The following EMC1 variants were observed in gnomAD, a reference collection of about 807,000 sequenced individuals.
EMC1 encodes the protein ER membrane protein complex subunit 1.
EMC1 carries 103 observed loss-of-function variants against 128.8 expected under a neutral mutation model. That is an observed-to-expected ratio of 0.80 (90% CI 0.68 to 0.94). The LOEUF (loss-of-function observed/expected upper bound fraction) is 0.94, where lower values mean the gene tolerates loss of function less well. Ranked by LOEUF, EMC1 falls within the 40% of genes least tolerant of loss-of-function variation. EMC1 has a pLI of 0.00. For missense variants in EMC1, 1,083 were observed against 1,250.6 expected (o/e 0.87, Z 2.02); for synonymous variants, 442 against 490.4 (o/e 0.90, Z 1.30).
chr1:19,219,398 C>T lies in EMC1; in HGVS notation c.2887G>A (p.Val963Met), dbSNP rs776565472. 1.5e-5 allele frequency: 25 copies of T among 1,614,018 alleles called. No homozygotes were observed. In the Admixed American group the frequency reaches 2.2e-4, roughly 14 times the overall value. Residue 963 changes from valine (V) to methionine (M), a missense_variant, in exon 23 of 23, where the codon GTG (valine) becomes ATG (methionine). Around this residue, in one of 3 missense-constraint regions of EMC1, gnomAD observed 527 missense variants for 644.1 expected, o/e 0.82. Transcript: ENST00000477853. ...FDVLKDDYDY[V>M]LISSVLFGLV... ...CCAAAGAGGACGCTGCTGATTAACA[C>T]GTAGTCATAGTCATCCTTCAGAACG...
chr1:19,216,235 A>AAAAAAAAAAAAG lies in EMC1; in HGVS notation c.*3067_*3068insCTTTTTTTTTTT, dbSNP rs2093393677. On this transcript the variant is annotated 3_prime_UTR_variant, in exon 23 of 23. Transcript: ENST00000477853. ...CTGGGTGACAGAGACCCTGCCTCCAAAAAAAAAGCAATTTATAAAGGCAGT... is the reference window on the plus strand; with the variant it reads ...CTGGGTGACAGAGACCCTGCCTCCAAAAAAAAAAAAAGAAAAAAAGCAATTTATAAAGGCAGT... 6.5e-6 allele frequency: 1 copy of AAAAAAAAAAAAG among 153,184 alleles called. No homozygotes were observed. Among genetic ancestry groups the AAAAAAAAAAAAG allele is most frequent in the Non-Finnish European group, 1.4e-5 (1 of 69,080 alleles). The allele number at this position is 153,184 out of a possible 1,614,324, so 9.5% of individuals were successfully genotyped here. A position where few individuals can be genotyped will look rare whatever the true frequency, so the allele number is the denominator to read the frequency against.
In EMC1 at chr1:19,218,129, T is replaced by G. The variant is rs2093406456; in HGVS notation, c.*1174A>C. On this transcript the variant is annotated 3_prime_UTR_variant, in exon 23 of 23. Coordinates refer to ENST00000477853, the MANE Select transcript of EMC1 (RefSeq NM_015047.3). ...CTTTATGCAAACATTCGAGTGTACC[T>G]CTTTCACCACAGGGCTAGAGATGGT... is the stretch of plus-strand genomic sequence containing the variant. 6.6e-6 allele frequency: 1 copy of G among 152,218 alleles called. No homozygotes were observed. Among genetic ancestry groups the G allele is most frequent in the Non-Finnish European group, 1.5e-5 (1 of 68,040 alleles). The allele number at this position is 152,218 out of a possible 1,614,324, so 9.4% of individuals were successfully genotyped here.
chr1:19,219,491 C>G lies in EMC1; in HGVS notation c.2803-9G>C, dbSNP rs745344544. 2 of 1,613,910 alleles carry G rather than the reference C, an allele frequency of 1.2e-6. No individual in the cohort carries two copies. The highest frequency in any genetic ancestry group is 1.7e-6 in the Non-Finnish European group (2 of 1,179,968). ...AAACCATAGGCCACAACCTGGAAGG[C>G]AGATGGAATAAGAATTAGGAAAGAA... On this transcript the variant is annotated splice_polypyrimidine_tract_variant and intron_variant, in intron 22 of 22. Coordinates refer to ENST00000477853, the MANE Select transcript of EMC1 (RefSeq NM_015047.3).
chr1:19,233,969 G>A (rs2151950862), intron 13 of EMC1, among the ~76,000 whole-genome samples: 1 of 152,272 alleles, frequency 6.6e-6, no homozygotes, highest in Non-Finnish European at 1.5e-5. Flanking sequence ...AAAAGGAGCA[G>A]AACCTCTGCT....
In EMC1 at chr1:19,230,876, G is replaced by T. The variant is rs770207023; in HGVS notation, c.2032C>A (p.Gln678Lys). The change falls in exon 17 of 23, where the codon CAG becomes AAG. Residue 678 changes from glutamine (Q) to lysine (K), a missense_variant. Gln to Lys is a moderately conservative substitution (Grantham distance 53). Coordinates refer to ENST00000477853, the MANE Select transcript of EMC1 (RefSeq NM_015047.3). Reference sequence around the variant, plus strand: ...AGCCGATATCCACACAGCCGTCCCTGCTCTGCATCCACCAAATAGAAGAAG... The same window carrying T: ...AGCCGATATCCACACAGCCGTCCCTTCTCTGCATCCACCAAATAGAAGAAG... Reference protein sequence around the residue: ...SIFFYLVDAEQGRLCGYRLRK... With the variant: ...SIFFYLVDAEKGRLCGYRLRK... 4 of 1,614,066 alleles carry T rather than the reference G, an allele frequency of 2.5e-6. No individual in the cohort carries two copies. In the Admixed American group the frequency reaches 6.7e-5, roughly 27 times the overall value.
chr1:19,250,218 C>CAA lies in EMC1; in HGVS notation c.95+1195_95+1196dup, dbSNP rs55743743. ...CTGGGCAACAAGAGCAAAACTGTCT[C>CAA]AAAAAAAAAAAAAAAAAAAAAAAAA... On this transcript the variant is annotated intron_variant, in intron 1 of 22. Coordinates refer to ENST00000477853, the MANE Select transcript of EMC1 (RefSeq NM_015047.3). Among the ~76,000 whole-genome samples the CAA allele has an allele frequency of 4.8e-4, 23 of 48,240 alleles. 1 individual carries two copies. Among genetic ancestry groups the CAA allele is most frequent in the African/African-American group, 1.6e-3 (15 of 9,632 alleles). 31.6% of individuals were successfully genotyped at this position (48,240 alleles called of 152,430 possible).
At chr1:19,234,882 C>G (rs2093551642) in intron 13 of EMC1, among the ~76,000 whole-genome samples, 1 of 152,070 alleles carries the variant, frequency 6.6e-6, no homozygotes, top group South Asian at 2.1e-4. Context: ...TTTCCCTCAG[C>G]TTTCCCTAGA....
At chr1:19,232,568 C>A in intron 15 of EMC1, 56 bp downstream of exon 15, 1 of 1,604,428 alleles carries the variant, frequency 6.2e-7, no homozygotes, top group Non-Finnish European at 8.5e-7. Flanking sequence ...ATTTAAGTTA[C>A]AAAATAGCAA....
At chr1:19,224,033 T>A (rs1021103031) in intron 18 of EMC1, among the ~76,000 whole-genome samples, 3 of 152,230 alleles carry the variant, frequency 2.0e-5, no homozygotes, top group Non-Finnish European at 4.4e-5. Context: ...TAGTACCACG[T>A]GACGCAGGTG....
At position 19,235,782 on chromosome 1, in the gene EMC1, A is replaced by G. The variant is rs548454905; in HGVS notation, c.1310-530T>C. The stretch of plus-strand genomic sequence containing the variant: ...GTGGCGAGCGCCTGTAGTCACAGCT[A>G]CTTAGGAGGCTGAGATAGGAAGATC... On this transcript the variant is annotated intron_variant, in intron 12 of 22. Coordinates refer to ENST00000477853, the MANE Select transcript of EMC1 (RefSeq NM_015047.3). 3.7e-4 allele frequency among the ~76,000 whole-genome samples: 56 copies of G among 152,278 alleles called. 1 individual carries two copies. The highest frequency in any genetic ancestry group is 1.3e-3 in the African/African-American group (56 of 41,576).
At position 19,238,004 on chromosome 1, in the gene EMC1, G is replaced by A. The variant is rs916800607; in HGVS notation, c.1212+13C>T. On this transcript the variant is annotated intron_variant, in intron 11 of 22. Coordinates refer to ENST00000477853, the MANE Select transcript of EMC1 (RefSeq NM_015047.3). ...GCCCACAGGACAGTCTGCAAAGAAA[G>A]GCTCTGCCTTACCCGCTCAGGCCGA... 6.2e-6 allele frequency: 10 copies of A among 1,612,482 alleles called. No homozygotes were observed. Among genetic ancestry groups the A allele is most frequent in the East Asian group, 2.2e-5 (1 of 44,860 alleles).
At chr1:19,244,080 A>T in intron 2 of EMC1, 65 bp from the exon 3 acceptor site, 1 of 1,491,852 alleles carries the variant, frequency 6.7e-7, no homozygotes, top group African/African-American at 1.4e-5. Context: ...ACTAAGAAAT[A>T]AATGAAGAGC....
intron 17 of EMC1, among the ~76,000 whole-genome samples, chr1:19,228,064 G>A (rs941513854): frequency 6.6e-6 from 1 of 152,036 alleles, no homozygotes; most frequent in Admixed American, 6.6e-5. Flanking sequence ...AATTAGCCGG[G>A]TGTGGTGGCG....
chr1:19,220,729 G>A (rs762273146), intron 21 of EMC1, 35 bp downstream of exon 21: 12 of 1,531,388 alleles, frequency 7.8e-6, no homozygotes, highest in African/African-American at 4.1e-5. Flanking sequence ...GTTATGTAAG[G>A]TCAGAGCCTT....
Position 19,238,095 on chromosome 1 carries a change from G to A in EMC1, c.1134C>T (p.Tyr378=), listed in dbSNP as rs778470143. Residue 378 remains tyrosine (Y), a synonymous_variant, in exon 11 of 23, where the codon TAC becomes TAT. Coordinates refer to ENST00000477853, the MANE Select transcript of EMC1 (RefSeq NM_015047.3). ...GCAGCCGCCGACCTGTCTCCACGAG[G>A]TATAGGTTAATGGTGTAGGTCTGAT... ...CFNQTYTINL[Y]LVETGRRLLD... is the part of the protein sequence containing the mutation. The A allele has an allele frequency of 1.9e-6, 3 of 1,614,178 alleles. No homozygotes were observed. The highest frequency in any genetic ancestry group is 3.3e-5 in the Admixed American group (2 of 60,002).
rs371524055 is a variant in EMC1 at position 19,222,756 on chromosome 1, C to T, written c.2455G>A (p.Ala819Thr). 3.0e-5 allele frequency: 49 copies of T among 1,614,098 alleles called. No homozygotes were observed. The African/African-American group carries it at 4.9e-4, about 16-fold the overall frequency. The stretch of plus-strand genomic sequence containing the variant: ...CGGTCCAGGGAGCTGAAGGCGGTGG[C>T]GTTGTATTGCTCAGTGCCCTCATAG... ...ELYEGTEQYN[A>T]TAFSSLDRPQ... Residue 819 changes from alanine to threonine, a missense_variant, in exon 20 of 23, where the codon GCC (alanine) becomes ACC (threonine). Transcript: ENST00000477853.
chr1:19,240,951 C>T (rs891248917), intron 6 of EMC1, 65 bp downstream of exon 6: 9 of 1,576,120 alleles, frequency 5.7e-6, no homozygotes, highest in Non-Finnish European at 6.9e-6. Flanking sequence ...TTCCCCAGTA[C>T]AAAGAAATCT....
rs200440484 is a variant in EMC1 at position 19,238,043 on chromosome 1, C to G, written c.1186G>C (p.Glu396Gln). The G allele has an allele frequency of 8.0e-5, 129 of 1,613,828 alleles. 1 individual carries two copies. The highest frequency in any genetic ancestry group is 1.6e-4 in the Middle Eastern group (1 of 6,082). The change falls in exon 11 of 23, where the codon GAA becomes CAA. Residue 396 changes from glutamate (E) to glutamine (Q), a missense_variant. Glu to Gln is a conservative substitution (Grantham distance 29). Around this residue, in one of 3 missense-constraint regions of EMC1, gnomAD observed 544 missense variants for 572.4 expected, o/e 0.95. Coordinates refer to ENST00000477853, the MANE Select transcript of EMC1 (RefSeq NM_015047.3). ...LLDTTITFSLEQSGTRPERLY... is the reference protein window; with the variant it reads ...LLDTTITFSLQQSGTRPERLY... ...CGCTCAGGCCGAGTGCCGCTCTGTT[C>G]CAGGCTAAATGTTATCGTGGTGTCC...
Position 19,222,621 on chromosome 1 carries a change from C to A in EMC1, c.2587+3G>T. The A allele has an allele frequency of 6.2e-7, 1 of 1,613,254 alleles. No homozygotes were observed. The highest frequency in any genetic ancestry group is 1.1e-5 in the South Asian group (1 of 91,012). On this transcript the variant is annotated splice_donor_region_variant and intron_variant, in intron 20 of 22. Transcript: ENST00000477853. Reference sequence around the variant, plus strand: ...CCATCCCAGAGGCTCCCCAGTCACTCACTCAGCAGGTGTCGGCTGGTGATG... The same window carrying A: ...CCATCCCAGAGGCTCCCCAGTCACTAACTCAGCAGGTGTCGGCTGGTGATG...
Sources: allele counts gnomAD v4.1 joint callset (sites outside exome capture counted in the v4.1 genomes callset), GRCh38; gene constraint gnomAD v4.1.1; regional missense constraint gnomAD v4.1.1; transcripts MANE v1.5; gene names NCBI Gene and HGNC (gene_info 2026-07-23, HGNC 2026-07-21).